Variants in SLCO4A1 observed in about 807,000 individuals in gnomAD.
SLCO4A1 encodes colon organic anion transporter.
A neutral mutation model predicts 64.6 loss-of-function variants in SLCO4A1; 51 were observed. The ratio of observed to expected loss-of-function variants is 0.79; its 90% confidence interval spans 0.63 to 1.00. The LOEUF (loss-of-function observed/expected upper bound fraction) is 1.00, where lower values mean the gene tolerates loss of function less well. Ranked by LOEUF, SLCO4A1 falls within the 50% of genes least tolerant of loss-of-function variation. The probability of loss-of-function intolerance (pLI) is 0.00; values close to 1 mark genes in which losing one functional copy is unlikely to be tolerated. For synonymous variants in SLCO4A1, 471 were observed against 444.9 expected, an observed-to-expected ratio of 1.06 and a Z score of -0.74; for missense variants, 919 against 980.5, an observed-to-expected ratio of 0.94 and a Z score of 0.84.
Position 62,666,562 on chromosome 20 carries a change from A to G in SLCO4A1, c.1459A>G (p.Ser487Gly), listed in dbSNP as rs1355424913. ...TGTGCCCATGGCGGGCGTCACAGCC[A>G]GCTACGGCGGGAGGTGAGGGCCAGA... ...PSVPMAGVTASYGGSLLPEGH... is the reference protein window; with the variant it reads ...PSVPMAGVTAGYGGSLLPEGH... The change falls in exon 7 of 12, where the codon AGC (serine) becomes GGC (glycine). Residue 487 changes from serine to glycine, a missense_variant. By Grantham distance (56) the Ser-to-Gly change is moderately conservative. Coordinates refer to ENST00000217159, the MANE Select transcript of SLCO4A1 (RefSeq NM_016354.4). The G allele has an allele frequency of 6.2e-7, 1 of 1,612,464 alleles. No homozygotes were observed. The highest frequency in any genetic ancestry group is 8.5e-7 in the Non-Finnish European group (1 of 1,179,880).
intron 6 of SLCO4A1, chr20:62,665,623 C>G (rs1986036891): frequency 6.5e-6 from 1 of 154,038 alleles, no homozygotes; most frequent in African/African-American, 2.4e-5. Context: ...TCTACCCTTC[C>G]AGGGTCCACT....
At chr20:62,687,265 C>T (rs191716128), downstream of SLCO4A1, among the ~76,000 whole-genome samples, 15 of 150,540 alleles carry the variant, frequency 1.0e-4, no homozygotes, top group African/African-American at 3.7e-4. Flanking sequence ...CCTGGCCCCA[C>T]GTTGTTCCAA....
Position 62,656,880 on chromosome 20 carries a change from C to A in SLCO4A1, c.426C>A (p.Ser142Arg). 1.3e-6 allele frequency: 2 copies of A among 1,583,238 alleles called. No individual in the cohort carries two copies. Among genetic ancestry groups the A allele is most frequent in the Non-Finnish European group, 1.7e-6 (2 of 1,159,024 alleles). ...ERRYDLHSYQ[S>R]GLIASSYDIA... is the part of the protein sequence containing the mutation. ...GCTATGACCTGCACAGCTACCAGAG[C>A]GGGCTCATCGCCAGCTCCTACGACA... Residue 142 changes from serine to arginine, a missense_variant, in exon 2 of 12, where the codon AGC becomes AGA. By Grantham distance (110) the Ser-to-Arg change is moderately radical. Coordinates refer to ENST00000217159, the MANE Select transcript of SLCO4A1 (RefSeq NM_016354.4).
At chr20:62,689,739 C>T (rs1988172182), downstream of SLCO4A1, among the ~76,000 whole-genome samples, 1 of 152,216 alleles carries the variant, frequency 6.6e-6, no homozygotes, top group Non-Finnish European at 1.5e-5. Context: ...GGGGCTCAGG[C>T]AGAGCTGTAG....
chr20:62,674,879 C>G (rs187246438), downstream of SLCO4A1, among the ~76,000 whole-genome samples: 776 of 152,338 alleles, frequency 5.1e-3, 2 homozygotes, highest in South Asian at 0.011. Flanking sequence ...GGAAAGGACC[C>G]TCCCTGGGAG....
Position 62,645,546 on chromosome 20 carries a change from C to G in SLCO4A1, c.-97+2993C>G, listed in dbSNP as rs1249980769. ...CAGCCTCACCCTCAGTCCTCAGACA[C>G]TGGGGTCTCCGGCTGTCTCCAACCC... is the stretch of plus-strand genomic sequence containing the variant. On this transcript the variant is annotated intron_variant, in intron 1 of 11. Coordinates refer to ENST00000217159, the MANE Select transcript of SLCO4A1 (RefSeq NM_016354.4). The surrounding 1 kb of genome is among the most constrained non-coding windows in gnomAD (Gnocchi z 4.2). Among the ~76,000 whole-genome samples, 2 of 150,984 alleles carry G rather than the reference C, an allele frequency of 1.3e-5. No individual in the cohort carries two copies. Among genetic ancestry groups the G allele is most frequent in the African/African-American group, 4.9e-5 (2 of 41,098 alleles).
chr20:62,682,041 C>G (rs1040655391), intron 2 of SLCO4A1, among the ~76,000 whole-genome samples: 4 of 152,180 alleles, frequency 2.6e-5, no homozygotes, highest in African/African-American at 9.7e-5. Flanking sequence ...AGCCGGGCCC[C>G]GTAACTTCAC....
At chr20:62,690,105 A>G (rs939783514), downstream of SLCO4A1, among the ~76,000 whole-genome samples, 31 of 152,280 alleles carry the variant, frequency 2.0e-4, no homozygotes, top group African/African-American at 7.2e-4. Flanking sequence ...CCCCAGCTGC[A>G]TGGTGCCTCG....
Sources: allele counts gnomAD v4.1 joint callset (sites outside exome capture counted in the v4.1 genomes callset), GRCh38; gene constraint gnomAD v4.1.1; non-coding constraint Gnocchi (gnomAD v3.1); transcripts MANE v1.5; gene names NCBI Gene and HGNC (gene_info 2026-07-23, HGNC 2026-07-21).